Variants in RIN2 observed in about 807,000 individuals in gnomAD.
RIN2 encodes the protein RAB5 interacting protein 2.
Under a neutral mutation model 78.0 loss-of-function variants are expected in RIN2, and 36 were observed. That is an observed-to-expected ratio of 0.46 (90% CI 0.35 to 0.61). RIN2 has a LOEUF of 0.61. RIN2 is among the 20% of genes least tolerant of loss of function. The pLI, the probability that RIN2 is intolerant of heterozygous loss-of-function variation, is 0.00. For missense variants in RIN2, 1,087 were observed against 1,159.7 expected, an observed-to-expected ratio of 0.94 and a Z score of 0.91; for synonymous variants, 466 against 466.8, an observed-to-expected ratio of 1.00 and a Z score of 0.02.
chr20:19,992,129 T>C (rs1288832743), intron 10 of RIN2, 39 bp from the exon 11 acceptor site: 1 of 1,602,536 alleles, frequency 6.2e-7, no homozygotes. Flanking sequence ...AAAGAAAAGT[T>C]GGTAAAAATA....
At chr20:19,828,543 G>C (rs1187322875) in intron 2 of RIN2, among the ~76,000 whole-genome samples, 1 of 152,034 alleles carries the variant, frequency 6.6e-6, no homozygotes, top group Non-Finnish European at 1.5e-5. Flanking sequence ...TGGTGGCTGT[G>C]GCATCCTGTC....
intron 2 of RIN2, among the ~76,000 whole-genome samples, chr20:19,854,507 T>C (rs547292559): frequency 1.6e-4 from 25 of 152,306 alleles, no homozygotes; most frequent in African/African-American, 3.6e-4. Flanking sequence ...TCTTCCTATC[T>C]ATGAGCATGG....
chr20:19,924,058 C>G (rs2040049748), intron 3 of RIN2, among the ~76,000 whole-genome samples: 1 of 97,150 alleles, frequency 1.0e-5, no homozygotes, highest in South Asian at 4.9e-4. Context: ...CCCCACCTTC[C>G]ATACCCCACT....
chr20:19,842,387 CTTTT>C (rs139642869), intron 2 of RIN2, among the ~76,000 whole-genome samples: 22 of 46,186 alleles, frequency 4.8e-4, no homozygotes, highest in African/African-American at 1.0e-3. Context: ...CCATCCCTGG[CTTTT>C]TTTTTTTTTT....
At chr20:19,824,584 G>A (rs1463185670) in intron 2 of RIN2, among the ~76,000 whole-genome samples, 1 of 151,906 alleles carries the variant, frequency 6.6e-6, no homozygotes, top group Non-Finnish European at 1.5e-5. Context: ...CTCCTAAAGG[G>A]GGCTTCCAGA....
chr20:19,844,194 C>T (rs2036664589), intron 2 of RIN2, among the ~76,000 whole-genome samples: 1 of 152,102 alleles, frequency 6.6e-6, no homozygotes, highest in South Asian at 2.1e-4. Flanking sequence ...CAAGCCTGTG[C>T]TGTTGGGAGT....
At position 19,823,796 on chromosome 20, in the gene RIN2, T is replaced by C. The variant is rs2035999220; in HGVS notation, c.-37+24049T>C. On this transcript the variant is annotated intron_variant, in intron 2 of 12. Coordinates refer to ENST00000255006, the MANE Select transcript of RIN2 (RefSeq NM_018993.4). ...ATCCTCAGGCCCTTCCAGTCACCCATTGCCTTGGCAATGTCATCACCAACC... is the reference window on the plus strand; with the variant it reads ...ATCCTCAGGCCCTTCCAGTCACCCACTGCCTTGGCAATGTCATCACCAACC... The C allele has an allele frequency of 3.1e-6, 5 of 1,601,880 alleles. No individual in the cohort carries two copies. The African/African-American group carries it at 4.0e-5, about 13-fold the overall frequency.
chr20:19,971,294 T>TC (rs542984264), intron 8 of RIN2, among the ~76,000 whole-genome samples: 13 of 152,070 alleles, frequency 8.5e-5, no homozygotes, highest in South Asian at 2.1e-4. Context: ...CTCTTGTCGT[T>TC]CAATTGTTGT....
Position 19,935,280 on chromosome 20 carries a change from C to T in RIN2, c.158+81C>T, listed in dbSNP as rs1248853139. ...GCACTGCCAAGGGCTGACTTGCAGTCACTCCTCAGAAGTCTGGGAGCTGGG... is the reference window on the plus strand; with the variant it reads ...GCACTGCCAAGGGCTGACTTGCAGTTACTCCTCAGAAGTCTGGGAGCTGGG... On this transcript the variant is annotated intron_variant, in intron 4 of 12. Coordinates refer to ENST00000255006, the MANE Select transcript of RIN2 (RefSeq NM_018993.4). 3 of 1,357,642 alleles carry T rather than the reference C, an allele frequency of 2.2e-6. No individual in the cohort carries two copies. In the South Asian group the frequency reaches 4.2e-5, roughly 19 times the overall value. 84.1% of individuals were successfully genotyped at this position (1,357,642 alleles called of 1,614,324 possible).
At chr20:19,789,381 TTTAAC>T (rs1432152710) in intron 1 of RIN2, among the ~76,000 whole-genome samples, 3 of 152,212 alleles carry the variant, frequency 2.0e-5, no homozygotes, top group Non-Finnish European at 4.4e-5. Flanking sequence ...AAATAATACT[TTTAAC>T]TTAAGATGTG....
At chr20:19,767,477 A>T (rs1206553095) in intron 1 of RIN2, among the ~76,000 whole-genome samples, 1 of 152,128 alleles carries the variant, frequency 6.6e-6, no homozygotes, top group East Asian at 1.9e-4. Context: ...ACCCACTTTG[A>T]AGGAGAATTC....
chr20:19,988,919 A>ACACG (rs1568712805), intron 9 of RIN2, among the ~76,000 whole-genome samples: 1 of 149,766 alleles, frequency 6.7e-6, no homozygotes, highest in Non-Finnish European at 1.5e-5. Context: ...ACACACACAC[A>ACACG]CGCGTGCACA....
rs1326889494 is a variant in RIN2 at position 19,853,456 on chromosome 20, A to G, written c.-36-36110A>G. On this transcript the variant is annotated intron_variant, in intron 2 of 12. Coordinates refer to ENST00000255006, the MANE Select transcript of RIN2 (RefSeq NM_018993.4). ...AGTTCTAGATCCTTGAGGAATCACC[A>G]CACTGTCTTCCACAATGGTTGAACT... is the stretch of plus-strand genomic sequence containing the variant. Among the ~76,000 whole-genome samples, 4 of 152,314 alleles carry G rather than the reference A, an allele frequency of 2.6e-5. No individual in the cohort carries two copies. The East Asian group carries it at 7.7e-4, about 29-fold the overall frequency.
intron 11 of RIN2, among the ~76,000 whole-genome samples, chr20:19,995,969 C>T (rs756552536): frequency 2.0e-5 from 3 of 152,170 alleles, no homozygotes; most frequent in Non-Finnish European, 2.9e-5. Flanking sequence ...CCCACCTCCC[C>T]GTCAGGCCTT....
chr20:19,856,260 G>A (rs1322152564), intron 2 of RIN2, among the ~76,000 whole-genome samples: 3 of 152,116 alleles, frequency 2.0e-5, no homozygotes, highest in African/African-American at 7.2e-5. Flanking sequence ...TGATTTTAGG[G>A]TTTTAAGAGT....
In RIN2 at chr20:19,927,082, AGGAGATTG is replaced by A. The variant is rs141581968; in HGVS notation, c.58-8015_58-8008del. On this transcript the variant is annotated intron_variant, in intron 3 of 12. Coordinates refer to ENST00000255006, the MANE Select transcript of RIN2 (RefSeq NM_018993.4). ...AGAGGCTTCTGAGCAGACAGGCAGGAGGAGATTGGACTCCGCGGACATTGTTTCTTTGT... is the reference window on the plus strand; with the variant it reads ...AGAGGCTTCTGAGCAGACAGGCAGGAGACTCCGCGGACATTGTTTCTTTGT... 9.3e-3 allele frequency among the ~76,000 whole-genome samples: 1,423 copies of A among 152,328 alleles called. 20 individuals are homozygous for A. The highest frequency in any genetic ancestry group is 0.032 in the African/African-American group (1,311 of 41,564).
chr20:19,813,950 T>A (rs1426322648), intron 2 of RIN2, among the ~76,000 whole-genome samples: 2 of 152,218 alleles, frequency 1.3e-5, no homozygotes, highest in African/African-American at 2.4e-5. Context: ...GACATGTTTA[T>A]AAAATGCCTT....
rs572357620 is a variant in RIN2, at chr20:19,829,320, G to A, written c.-37+29573G>A. 8.6e-4 allele frequency among the ~76,000 whole-genome samples: 131 copies of A among 152,096 alleles called. 1 individual carries two copies. The highest frequency in any genetic ancestry group is 3.0e-3 in the African/African-American group (124 of 41,498). ...ATTGGATTAACTTATTAATTTGTAG[G>A]ACTTTGGGGGCATGATAGGAGATGA... On this transcript the variant is annotated intron_variant, in intron 2 of 12. Coordinates refer to ENST00000255006, the MANE Select transcript of RIN2 (RefSeq NM_018993.4).
rs192069759 is a variant in RIN2, at chr20:19,993,483, C to T, written c.2200+1184C>T. Among the ~76,000 whole-genome samples the T allele has an allele frequency of 2.6e-3, 394 of 152,188 alleles. 3 individuals are homozygous for T. The highest frequency in any genetic ancestry group is 8.9e-3 in the African/African-American group (371 of 41,530). ...TTTTCCTGTCGGAGGGACCGCCCTCCTTGGAGCCCGATTATGCCCTTCCCA... is the reference window on the plus strand; with the variant it reads ...TTTTCCTGTCGGAGGGACCGCCCTCTTTGGAGCCCGATTATGCCCTTCCCA... On this transcript the variant is annotated intron_variant, in intron 11 of 12. Coordinates refer to ENST00000255006, the MANE Select transcript of RIN2 (RefSeq NM_018993.4).
Sources: allele counts gnomAD v4.1 joint callset (sites outside exome capture counted in the v4.1 genomes callset), GRCh38; gene constraint gnomAD v4.1.1; transcripts MANE v1.5; gene names NCBI Gene and HGNC (gene_info 2026-07-23, HGNC 2026-07-21).